The following POU3F2 variants were observed in gnomAD, a reference collection of about 807,000 sequenced individuals.
POU3F2 encodes the protein POU class 3 homeobox 2, also known as POU domain, class 3, transcription factor 2.
POU3F2 carries 11 observed loss-of-function variants against 33.1 expected under a neutral mutation model. The ratio of observed to expected loss-of-function variants is 0.33; its 90% CI spans 0.21 to 0.55. The LOEUF (loss-of-function observed/expected upper bound fraction) is 0.55, where lower values mean the gene tolerates loss of function less well. POU3F2 is among the 20% of genes least tolerant of loss of function. POU3F2 has a pLI of 0.91. For missense variants in POU3F2, 456 were observed against 620.2 expected (o/e 0.74, Z 2.81); for synonymous variants, 332 against 289.6 (o/e 1.15, Z -1.49).
In POU3F2 at chr6:98,835,203, G is replaced by A. The variant is rs1237219962; in HGVS notation, c.330G>A (p.Gln110=). The A allele has an allele frequency of 2.6e-6, 4 of 1,518,424 alleles. No homozygotes were observed. The highest frequency in any genetic ancestry group is 3.5e-6 in the Non-Finnish European group (4 of 1,135,874). The allele number at this position is 1,518,424 out of a possible 1,614,324, so 94.1% of individuals were successfully genotyped here. The change falls in exon 1 of 1, where the codon CAG becomes CAA. Residue 110 remains glutamine, a synonymous_variant. Coordinates refer to ENST00000328345, the MANE Select transcript of POU3F2 (RefSeq NM_005604.4). This position sits in a 1 kb window ranked among gnomAD's most constrained non-coding sequence, Gnocchi z 9.7. ...ACATCAAGCCCTCGGTGGTGGTGCA[G>A]CAGGGCGGCCGCGGAGACGAGCTGC... ...QPDIKPSVVV[Q]QGGRGDELHG...
chr6:98,837,004 C>G lies in POU3F2; in HGVS notation c.*799C>G, dbSNP rs971259951. 1 of 167,044 alleles carries G rather than the reference C, an allele frequency of 6.0e-6. No homozygotes were observed. The highest frequency in any genetic ancestry group is 2.4e-5 in the African/African-American group (1 of 41,422). The allele number at this position is 167,044 out of a possible 1,614,324, so 10.3% of individuals were successfully genotyped here. On this transcript the variant is annotated 3_prime_UTR_variant, in exon 1 of 1. Coordinates refer to ENST00000328345, the MANE Select transcript of POU3F2 (RefSeq NM_005604.4). ...CTTACCAAAGCAAAAGGATTGGCTT[C>G]ATACAAAATAGACAATTCTCTGATT...
chr6:98,838,867 A>T lies in POU3F2; in HGVS notation c.*2662A>T, dbSNP rs1284707126. Reference sequence around the variant, plus strand: ...TAGTGCCAAGTTTTAAGGGGGGAAAACCCTAGACCTTAAATTGACTGAGTT... The same window carrying T: ...TAGTGCCAAGTTTTAAGGGGGGAAATCCCTAGACCTTAAATTGACTGAGTT... On this transcript the variant is annotated 3_prime_UTR_variant, in exon 1 of 1. Transcript: ENST00000328345. The T allele has an allele frequency of 6.5e-6, 1 of 152,710 alleles. No homozygotes were observed. Among genetic ancestry groups the T allele is most frequent in the African/African-American group, 2.4e-5 (1 of 41,396 alleles). 9.5% of individuals were successfully genotyped at this position (152,710 alleles called of 1,614,324 possible). A position where few individuals can be genotyped will look rare whatever the true frequency, so the allele number is the denominator to read the frequency against.
Position 98,835,012 on chromosome 6 carries a change from GCTCT to G in POU3F2, c.140_143del (p.Ala47GlyfsTer150). On this transcript the variant is annotated frameshift_variant, in exon 1 of 1. Coordinates refer to ENST00000328345, the MANE Select transcript of POU3F2 (RefSeq NM_005604.4). LOFTEE classifies it high-confidence loss of function. The surrounding 1 kb of genome is among the most constrained non-coding windows in gnomAD (Gnocchi z 9.7). The stretch of plus-strand genomic sequence containing the variant: ...GAGCCTGGTGCAGGGCGACTACGGC[GCTCT>G]GCAGAGCAACGGACACCCGCTCAGC... The G allele has an allele frequency of 6.3e-7, 1 of 1,577,556 alleles. No individual in the cohort carries two copies. Among genetic ancestry groups the G allele is most frequent in the Non-Finnish European group, 8.6e-7 (1 of 1,168,522 alleles).
Position 98,835,779 on chromosome 6 carries a change from G to C in POU3F2, c.906G>C (p.Val302=). The part of the protein sequence containing the change: ...GLALGTLYGN[V]FSQTTICRFE... Reference sequence around the variant, plus strand: ...CTCTGGGCACCCTGTATGGCAACGTGTTCTCGCAGACCACCATCTGCAGGT... The same window carrying C: ...CTCTGGGCACCCTGTATGGCAACGTCTTCTCGCAGACCACCATCTGCAGGT... Residue 302 remains valine, a synonymous_variant, in exon 1 of 1, where the codon GTG becomes GTC. Coordinates refer to ENST00000328345, the MANE Select transcript of POU3F2 (RefSeq NM_005604.4). This position sits in a 1 kb window ranked among gnomAD's most constrained non-coding sequence, Gnocchi z 9.7. 6.2e-7 allele frequency: 1 copy of C among 1,614,196 alleles called. No homozygotes were observed. The highest frequency in any genetic ancestry group is 2.2e-5 in the East Asian group (1 of 44,878).
chr6:98,835,569 C>T lies in POU3F2; in HGVS notation c.696C>T (p.His232=), dbSNP rs1435219938. 1.9e-6 allele frequency: 3 copies of T among 1,597,294 alleles called. No individual in the cohort carries two copies. In the South Asian group the frequency reaches 3.3e-5, roughly 18 times the overall value. Residue 232 remains histidine (H), a synonymous_variant, in exon 1 of 1, where the codon CAC becomes CAT. Transcript: ENST00000328345. This position sits in a 1 kb window ranked among gnomAD's most constrained non-coding sequence, Gnocchi z 9.7. ...ATGCCGACCACCACCCGCACCCGCA[C>T]TCGCACCCACACCAGCAGCCGCCGC... The part of the protein sequence containing the change: ...PHHADHHPHP[H]SHPHQQPPPP...
In POU3F2 at chr6:98,834,839, C is replaced by A. The variant is rs1181568073; in HGVS notation, c.-35C>A. On this transcript the variant is annotated 5_prime_UTR_variant, in exon 1 of 1. Transcript: ENST00000328345. ...AAAGTAACTGTCAAATGCGCGGCTC[C>A]TTTAACCGGAGCGCTCAGTCCGGCT... 1 of 1,585,260 alleles carries A rather than the reference C, an allele frequency of 6.3e-7. No individual in the cohort carries two copies. The highest frequency in any genetic ancestry group is 8.5e-7 in the Non-Finnish European group (1 of 1,172,802).
rs552686016 is a variant in POU3F2 at position 98,834,756 on chromosome 6, C to G, written c.-118C>G. 96 of 1,190,900 alleles carry G rather than the reference C, an allele frequency of 8.1e-5. No individual in the cohort carries two copies. The highest frequency in any genetic ancestry group is 2.2e-4 in the South Asian group (15 of 67,480). 73.8% of individuals were successfully genotyped at this position (1,190,900 alleles called of 1,614,324 possible). ...CGTCGGAGCGGGCGTCGGAGCTGCC[C>G]GCTGTGGGAGAGAGAGGAGACAGAA... On this transcript the variant is annotated 5_prime_UTR_variant, in exon 1 of 1. Coordinates refer to ENST00000328345, the MANE Select transcript of POU3F2 (RefSeq NM_005604.4).
chr6:98,835,618 C>T lies in POU3F2; in HGVS notation c.745C>T (p.Pro249Ser). 6.2e-7 allele frequency: 1 copy of T among 1,612,032 alleles called. No homozygotes were observed. Among genetic ancestry groups the T allele is most frequent in the South Asian group, 1.1e-5 (1 of 91,048 alleles). The change falls in exon 1 of 1, where the codon CCT (proline) becomes TCT (serine). Residue 249 changes from proline to serine, a missense_variant. By Grantham distance (74) the Pro-to-Ser change is moderately conservative. Around this residue, in one of 6 missense-constraint regions of POU3F2, gnomAD observed 341 missense variants for 382.4 expected, o/e 0.89. Transcript: ENST00000328345. This position sits in a 1 kb window ranked among gnomAD's most constrained non-coding sequence, Gnocchi z 9.7. ...GCCCCCGCCGCCCCCGCAGGGTCCG[C>T]CTGGCCACCCAGGCGCGCACCACGA... ...PPPPPPPQGP[P>S]GHPGAHHDPH... is the part of the protein sequence containing the mutation.
Position 98,834,752 on chromosome 6 carries a change from TG to T in POU3F2, c.-121del. The stretch of plus-strand genomic sequence containing the variant: ...AAGGCGTCGGAGCGGGCGTCGGAGC[TG>T]CCCGCTGTGGGAGAGAGAGGAGACA... On this transcript the variant is annotated 5_prime_UTR_variant, in exon 1 of 1. Transcript: ENST00000328345. 8.7e-7 allele frequency: 1 copy of T among 1,144,148 alleles called. No homozygotes were observed. Among genetic ancestry groups the T allele is most frequent in the Non-Finnish European group, 1.2e-6 (1 of 832,056 alleles). The allele number at this position is 1,144,148 out of a possible 1,614,324, so 70.9% of individuals were successfully genotyped here. A position where few individuals can be genotyped will look rare whatever the true frequency, so the allele number is the denominator to read the frequency against.
chr6:98,835,326 G>A lies in POU3F2; in HGVS notation c.453G>A (p.Pro151=). The change falls in exon 1 of 1, where the codon CCG becomes CCA. Residue 151 remains proline, a synonymous_variant. Transcript: ENST00000328345. This position sits in a 1 kb window ranked among gnomAD's most constrained non-coding sequence, Gnocchi z 9.7. ...AGCAGCAGCAGCAGCAACAGCGGCC[G>A]CCGCATCTGGTGCACCACGCCGCTA... ...QQQQQQQQQR[P]PHLVHHAANH... 4 of 1,545,068 alleles carry A rather than the reference G, an allele frequency of 2.6e-6. No homozygotes were observed. The highest frequency in any genetic ancestry group is 3.5e-6 in the Non-Finnish European group (4 of 1,145,500).
In POU3F2 at chr6:98,837,160, T is replaced by A. The variant is rs1770010616; in HGVS notation, c.*955T>A. ...TTCAGGCAGTGTTTCTGGGGGAGGT[T>A]ATGGAGGGAAGAAAAAAGAAAAATC... is the stretch of plus-strand genomic sequence containing the variant. On this transcript the variant is annotated 3_prime_UTR_variant, in exon 1 of 1. Coordinates refer to ENST00000328345, the MANE Select transcript of POU3F2 (RefSeq NM_005604.4). The A allele has an allele frequency of 6.0e-6, 1 of 167,008 alleles. No individual in the cohort carries two copies. The highest frequency in any genetic ancestry group is 1.5e-5 in the Non-Finnish European group (1 of 68,100). 10.3% of individuals were successfully genotyped at this position (167,008 alleles called of 1,614,324 possible).
rs1041811565 is a variant in POU3F2, at chr6:98,837,099, T to C, written c.*894T>C. ...CCGGTTTGGAATATAAAAATAAGCATTGGTTGTTCTTACCAGCCACAAAGT... is the reference window on the plus strand; with the variant it reads ...CCGGTTTGGAATATAAAAATAAGCACTGGTTGTTCTTACCAGCCACAAAGT... On this transcript the variant is annotated 3_prime_UTR_variant, in exon 1 of 1. Transcript: ENST00000328345. The C allele has an allele frequency of 1.2e-5, 2 of 167,090 alleles. No individual in the cohort carries two copies. The highest frequency in any genetic ancestry group is 4.8e-5 in the African/African-American group (2 of 41,438). 10.4% of individuals were successfully genotyped at this position (167,090 alleles called of 1,614,324 possible).
rs1162999733 is a variant in POU3F2 at position 98,839,019 on chromosome 6, T to G, written c.*2814T>G. The G allele has an allele frequency of 6.6e-6, 1 of 151,908 alleles. No individual in the cohort carries two copies. The highest frequency in any genetic ancestry group is 2.4e-5 in the African/African-American group (1 of 41,358). 9.4% of individuals were successfully genotyped at this position (151,908 alleles called of 1,614,324 possible). ...TTTTTTTTTTTTTAATGGAGACTAC[T>G]GGTCTAATTCACTTTACTTTGCAAA... On this transcript the variant is annotated 3_prime_UTR_variant, in exon 1 of 1. Transcript: ENST00000328345.
Position 98,836,859 on chromosome 6 carries a change from A to T in POU3F2, c.*654A>T, listed in dbSNP as rs1441129585. On this transcript the variant is annotated 3_prime_UTR_variant, in exon 1 of 1. Coordinates refer to ENST00000328345, the MANE Select transcript of POU3F2 (RefSeq NM_005604.4). ...TTGCTTTATTCATCGGAGAGAGTTG[A>T]AGCCAGCTCTTGGCCACTCTCCATT... 6.0e-6 allele frequency: 1 copy of T among 167,044 alleles called. No homozygotes were observed. Among genetic ancestry groups the T allele is most frequent in the Non-Finnish European group, 1.5e-5 (1 of 68,118 alleles). The allele number at this position is 167,044 out of a possible 1,614,324, so 10.3% of individuals were successfully genotyped here.
rs71545771 is a variant in POU3F2 at position 98,838,993 on chromosome 6, C to CTTTT, written c.*2798_*2801dup. 1.5e-5 allele frequency: 2 copies of CTTTT among 136,726 alleles called. No homozygotes were observed. Among genetic ancestry groups the CTTTT allele is most frequent in the African/African-American group, 5.3e-5 (2 of 37,394 alleles). 8.5% of individuals were successfully genotyped at this position (136,726 alleles called of 1,614,324 possible). On this transcript the variant is annotated 3_prime_UTR_variant, in exon 1 of 1. Transcript: ENST00000328345. The stretch of plus-strand genomic sequence containing the variant: ...ATTTGATGTTCATAACTTTCAGAGG[C>CTTTT]TTTTTTTTTTTTTAATGGAGACTAC...
chr6:98,837,881 T>C lies in POU3F2; in HGVS notation c.*1676T>C, dbSNP rs965404019. On this transcript the variant is annotated 3_prime_UTR_variant, in exon 1 of 1. Transcript: ENST00000328345. ...GATCAGTTAAAATTTAAAAGAAAAA[T>C]CAGCACAAAAGGGCGCTAAAAGGGA... 1.1e-4 allele frequency: 19 copies of C among 166,550 alleles called. No individual in the cohort carries two copies. The highest frequency in any genetic ancestry group is 1.6e-4 in the Non-Finnish European group (11 of 68,084). The allele number at this position is 166,550 out of a possible 1,614,324, so 10.3% of individuals were successfully genotyped here.
Position 98,835,548 on chromosome 6 carries a change from C to A in POU3F2, c.675C>A (p.Ala225=). 1 of 1,586,816 alleles carries A rather than the reference C, an allele frequency of 6.3e-7. No homozygotes were observed. The highest frequency in any genetic ancestry group is 8.5e-7 in the Non-Finnish European group (1 of 1,171,474). ...ACGCGCACGACGAGCCACACCATGC[C>A]GACCACCACCCGCACCCGCACTCGC... The part of the protein sequence containing the change: ...LRDAHDEPHH[A]DHHPHPHSHP... The change falls in exon 1 of 1, where the codon GCC becomes GCA. Residue 225 remains alanine (A), a synonymous_variant. Coordinates refer to ENST00000328345, the MANE Select transcript of POU3F2 (RefSeq NM_005604.4). The surrounding 1 kb of genome is among the most constrained non-coding windows in gnomAD (Gnocchi z 9.7).
rs989963643 is a variant in POU3F2 at position 98,837,279 on chromosome 6, T to C, written c.*1074T>C. The C allele has an allele frequency of 1.2e-5, 2 of 167,104 alleles. No individual in the cohort carries two copies. The highest frequency in any genetic ancestry group is 2.9e-5 in the Non-Finnish European group (2 of 68,150). 10.4% of individuals were successfully genotyped at this position (167,104 alleles called of 1,614,324 possible). ...GAGGTTAAATATATTTCCAGAGTTG[T>C]CCAGCAGAAAGAAAGTGGCACTTTG... On this transcript the variant is annotated 3_prime_UTR_variant, in exon 1 of 1. Transcript: ENST00000328345.
chr6:98,836,280 T>G lies in POU3F2; in HGVS notation c.*75T>G. The stretch of plus-strand genomic sequence containing the variant: ...CCTTGGCCCTTTCCCGGCCCTCTTG[T>G]TCCCTCTCTAACTTCTGATTGTTCT... On this transcript the variant is annotated 3_prime_UTR_variant, in exon 1 of 1. Transcript: ENST00000328345. 7.0e-7 allele frequency: 1 copy of G among 1,438,326 alleles called. No individual in the cohort carries two copies. Among genetic ancestry groups the G allele is most frequent in the Non-Finnish European group, 9.2e-7 (1 of 1,083,250 alleles). The allele number at this position is 1,438,326 out of a possible 1,614,324, so 89.1% of individuals were successfully genotyped here. A position where few individuals can be genotyped will look rare whatever the true frequency, so the allele number is the denominator to read the frequency against.
Sources: allele counts gnomAD v4.1 joint callset, GRCh38; gene constraint gnomAD v4.1.1; regional missense constraint gnomAD v4.1.1; non-coding constraint Gnocchi (gnomAD v3.1); transcripts MANE v1.5; gene names NCBI Gene and HGNC (gene_info 2026-07-23, HGNC 2026-07-21).